GRM5: variants seen among roughly 807,000 people sequenced by gnomAD.
The protein encoded by GRM5 is glutamate metabotropic receptor 5, also known as metabotropic glutamate receptor 5.
GRM5 carries 19 observed loss-of-function variants against 83.1 expected under a neutral mutation model. The observed-to-expected ratio is 0.23, with a 90% confidence interval of 0.16 to 0.34. The LOEUF (loss-of-function observed/expected upper bound fraction) is 0.34, where lower values mean the gene tolerates loss of function less well. Ranked by LOEUF, GRM5 falls within the 10% of genes least tolerant of loss-of-function variation. The pLI is 1.00. For synonymous variants in GRM5, 675 were observed against 633.6 expected (o/e 1.07, Z -0.98); for missense variants, 1,160 against 1,588.3 (o/e 0.73, Z 4.58).
intron 3 of GRM5, among the ~76,000 whole-genome samples, chr11:88,760,250 C>G (rs1023537327): frequency 1.3e-5 from 2 of 151,906 alleles, no homozygotes; most frequent in African/African-American, 2.4e-5. Context: ...AATTAAGAAA[C>G]AAACAAACAT....
chr11:88,805,621 C>G (rs571094132), intron 3 of GRM5, among the ~76,000 whole-genome samples: 1 of 152,246 alleles, frequency 6.6e-6, no homozygotes, highest in Admixed American at 6.5e-5. Flanking sequence ...GCAAATGGAA[C>G]GGTATTGATT....
chr11:88,573,096 C>T (rs565161114), intron 7 of GRM5, among the ~76,000 whole-genome samples: 51 of 152,212 alleles, frequency 3.4e-4, no homozygotes, highest in South Asian at 1.9e-3. Context: ...AATTTTTCTT[C>T]CCTTTTATAC....
At chr11:89,053,560 A>G (rs990355408) in intron 1 of GRM5, among the ~76,000 whole-genome samples, 2 of 152,208 alleles carry the variant, frequency 1.3e-5, no homozygotes, top group Non-Finnish European at 2.9e-5. Flanking sequence ...GGATCCAGTT[A>G]TGGACAAAAT....
intron 2 of GRM5, among the ~76,000 whole-genome samples, chr11:88,892,718 C>T (rs1165470115): frequency 6.6e-6 from 1 of 151,998 alleles, no homozygotes; most frequent in East Asian, 1.9e-4. Context: ...TTTTTACCTA[C>T]ATTTTAGACT....
chr11:88,634,251 T>C lies in GRM5; in HGVS notation c.1147+18917A>G, dbSNP rs117611515. Among the ~76,000 whole-genome samples the C allele has an allele frequency of 2.7e-3, 417 of 152,280 alleles. 1 individual carries two copies. The highest frequency in any genetic ancestry group is 9.2e-3 in the African/African-American group (382 of 41,554). ...TATGCCACTATGACTTTATAAACAA[T>C]ACACCCTTAGGCTACACTAAATTTA... On this transcript the variant is annotated intron_variant, in intron 4 of 9. Transcript: ENST00000305447.
At chr11:88,704,621 C>A (rs982762686) in intron 3 of GRM5, among the ~76,000 whole-genome samples, 2 of 152,052 alleles carry the variant, frequency 1.3e-5, no homozygotes, top group Non-Finnish European at 2.9e-5. Flanking sequence ...ACTGCTTGAC[C>A]CTTTTGCCCT....
At chr11:88,913,583 CTCTCT>C (rs1252986703) in intron 2 of GRM5, among the ~76,000 whole-genome samples, 449 of 122,928 alleles carry the variant, frequency 3.7e-3, no homozygotes, top group African/African-American at 0.013. Context: ...CCTTCTCTCT[CTCTCT>C]TTTTTTTTTT....
intron 3 of GRM5, among the ~76,000 whole-genome samples, chr11:88,756,682 A>G (rs1391130627): frequency 6.6e-6 from 1 of 152,162 alleles, no homozygotes; most frequent in Non-Finnish European, 1.5e-5. Flanking sequence ...TATACATTGT[A>G]TATTACACAT....
intron 2 of GRM5, among the ~76,000 whole-genome samples, chr11:89,025,787 T>C (rs2135116707): frequency 6.6e-6 from 1 of 152,316 alleles, no homozygotes; most frequent in South Asian, 2.1e-4. Context: ...TTTCTCAAAG[T>C]ACTTAAAACA....
At chr11:89,025,356 A>C (rs1341021574) in intron 2 of GRM5, among the ~76,000 whole-genome samples, 1 of 152,180 alleles carries the variant, frequency 6.6e-6, no homozygotes, top group Non-Finnish European at 1.5e-5. Context: ...ACAACATGGA[A>C]AGGTAAAGAT....
At chr11:88,875,008 C>T (rs1387881981) in intron 2 of GRM5, among the ~76,000 whole-genome samples, 2 of 151,092 alleles carry the variant, frequency 1.3e-5, no homozygotes, top group Admixed American at 6.6e-5. Context: ...TTGATCAGGG[C>T]GGTGGCTGCT....
At chr11:88,702,269 T>A (rs1311757378) in intron 3 of GRM5, among the ~76,000 whole-genome samples, 1 of 152,038 alleles carries the variant, frequency 6.6e-6, no homozygotes, top group Admixed American at 6.6e-5. Context: ...AATCTTCCAA[T>A]ACAGAGGTAC....
chr11:88,568,710 G>C (rs1942922113), intron 7 of GRM5, among the ~76,000 whole-genome samples: 1 of 152,166 alleles, frequency 6.6e-6, no homozygotes, highest in Non-Finnish European at 1.5e-5. Context: ...GAGCCATATA[G>C]AGTGTTTGAA....
At chr11:88,996,602 C>A (rs1418687139) in intron 2 of GRM5, among the ~76,000 whole-genome samples, 1 of 152,162 alleles carries the variant, frequency 6.6e-6, no homozygotes, top group Non-Finnish European at 1.5e-5. Context: ...GCCACGCTCT[C>A]AAAAATTGAC....
chr11:88,900,271 G>A (rs1234421461), intron 2 of GRM5, among the ~76,000 whole-genome samples: 1 of 152,086 alleles, frequency 6.6e-6, no homozygotes, highest in East Asian at 1.9e-4. Flanking sequence ...AAAAATCTCT[G>A]CTTTCTAACA....
chr11:88,785,765 G>A (rs1457559610), intron 3 of GRM5, among the ~76,000 whole-genome samples: 1 of 152,038 alleles, frequency 6.6e-6, no homozygotes, highest in Non-Finnish European at 1.5e-5. Flanking sequence ...AAGAAGTTAA[G>A]AAAGAGTATC....
chr11:88,847,230 G>T (rs1353662494), intron 3 of GRM5, among the ~76,000 whole-genome samples: 1 of 152,054 alleles, frequency 6.6e-6, no homozygotes, highest in African/African-American at 2.4e-5. Context: ...TTAGATATGG[G>T]TTTTTTCATA....
Position 88,639,345 on chromosome 11 carries a change from CT to C in GRM5, c.1147+13822del, listed in dbSNP as rs113024364. Reference sequence around the variant, plus strand: ...ACAAACTCTAGCTTTGTTGACCTCTCTAAACTCAATTCCATTTTCTCACTTT... The same window carrying C: ...ACAAACTCTAGCTTTGTTGACCTCTCAAACTCAATTCCATTTTCTCACTTT... On this transcript the variant is annotated intron_variant, in intron 4 of 9. Coordinates refer to ENST00000305447, the MANE Select transcript of GRM5 (RefSeq NM_001143831.3). 6.9e-4 allele frequency among the ~76,000 whole-genome samples: 105 copies of C among 152,272 alleles called. 1 individual carries two copies. The highest frequency in any genetic ancestry group is 2.4e-3 in the African/African-American group (99 of 41,582).
At chr11:88,651,162 A>G (rs1318115770) in intron 4 of GRM5, among the ~76,000 whole-genome samples, 1 of 152,046 alleles carries the variant, frequency 6.6e-6, no homozygotes, top group Admixed American at 6.6e-5. Context: ...CCATAGAAAT[A>G]ATATTTTCAT....
Sources: allele counts gnomAD v4.1 joint callset (sites outside exome capture counted in the v4.1 genomes callset), GRCh38; gene constraint gnomAD v4.1.1; transcripts MANE v1.5; gene names NCBI Gene and HGNC (gene_info 2026-07-23, HGNC 2026-07-21).